SCAPER: variants seen among roughly 807,000 people sequenced by gnomAD.
SCAPER encodes S-phase cyclin A associated protein in the ER.
Under a neutral mutation model 182.2 loss-of-function variants are expected in SCAPER, and 98 were observed. The ratio of observed to expected loss-of-function variants is 0.54; its 90% CI spans 0.46 to 0.64. The LOEUF (loss-of-function observed/expected upper bound fraction) is 0.64, where lower values mean the gene tolerates loss of function less well. Among genes scored for constraint, SCAPER ranks in the 30% least tolerant of loss-of-function variants. The pLI, the probability that SCAPER is intolerant of heterozygous loss-of-function variation, is 0.00. For missense variants in SCAPER, 1,432 were observed against 1,690.0 expected (o/e 0.85, Z 2.68); for synonymous variants, 605 against 564.6 (o/e 1.07, Z -1.01).
intron 22 of SCAPER, among the ~76,000 whole-genome samples, chr15:76,592,142 A>G (rs2049166827): frequency 6.6e-6 from 1 of 151,910 alleles, no homozygotes; most frequent in South Asian, 2.1e-4. Context: ...AGAGAGATAT[A>G]TAGGTAATAT....
intron 22 of SCAPER, among the ~76,000 whole-genome samples, chr15:76,607,984 A>C (rs1226666730): frequency 9.9e-5 from 15 of 151,992 alleles, no homozygotes; most frequent in African/African-American, 3.4e-4. Context: ...AGCTCAGAGT[A>C]GTTTGATCGT....
chr15:76,614,255 G>A (rs1362867598), intron 22 of SCAPER, among the ~76,000 whole-genome samples: 1 of 152,174 alleles, frequency 6.6e-6, no homozygotes, highest in Non-Finnish European at 1.5e-5. Flanking sequence ...GGAGGATGGA[G>A]GGTGGGAGGA....
intron 15 of SCAPER, among the ~76,000 whole-genome samples, chr15:76,747,894 A>G (rs1292328944): frequency 1.3e-5 from 2 of 152,086 alleles, no homozygotes; most frequent in Admixed American, 6.5e-5. Flanking sequence ...AGCCTCAAGT[A>G]TTCCTTTATA....
At chr15:76,796,743 A>G (rs567707375) in intron 7 of SCAPER, among the ~76,000 whole-genome samples, 5 of 152,228 alleles carry the variant, frequency 3.3e-5, no homozygotes, top group African/African-American at 1.2e-4. Flanking sequence ...AATGAAGTGC[A>G]TTACAGGGCA....
intron 27 of SCAPER, among the ~76,000 whole-genome samples, chr15:76,400,909 A>G (rs2044410807): frequency 1.3e-5 from 2 of 151,776 alleles, no homozygotes; most frequent in Non-Finnish European, 2.9e-5. Context: ...AAAATAAATT[A>G]TATAGTAATT....
chr15:76,463,330 T>C (rs1004293129), intron 25 of SCAPER, among the ~76,000 whole-genome samples: 1 of 152,120 alleles, frequency 6.6e-6, no homozygotes, highest in Admixed American at 6.6e-5. Flanking sequence ...CAGGCCTTGC[T>C]GCTGTAATGA....
chr15:76,579,722 T>C (rs1394029648), intron 22 of SCAPER, among the ~76,000 whole-genome samples: 1 of 152,136 alleles, frequency 6.6e-6, no homozygotes, highest in East Asian at 1.9e-4. Context: ...TCAAAAGGCA[T>C]GTAATGGCCG....
At chr15:76,451,477 T>C (rs971626744) in intron 25 of SCAPER, among the ~76,000 whole-genome samples, 1 of 152,238 alleles carries the variant, frequency 6.6e-6, no homozygotes, top group Non-Finnish European at 1.5e-5. Flanking sequence ...TTAAACTATA[T>C]TGTCAAGGCT....
intron 26 of SCAPER, among the ~76,000 whole-genome samples, chr15:76,419,892 G>T (rs917708214): frequency 2.6e-5 from 4 of 152,044 alleles, no homozygotes; most frequent in African/African-American, 9.7e-5. Flanking sequence ...TTCTCAACAA[G>T]ATACTAACAA....
At chr15:76,643,022 T>C (rs548566108) in intron 21 of SCAPER, among the ~76,000 whole-genome samples, 31 of 152,288 alleles carry the variant, frequency 2.0e-4, no homozygotes, top group African/African-American at 7.5e-4. Flanking sequence ...TATCTACCAG[T>C]TGCTCTGGGA....
chr15:76,583,099 T>A lies in SCAPER; in HGVS notation c.2712-8815A>T, dbSNP rs2048375861. Among the ~76,000 whole-genome samples, 5 of 152,180 alleles carry A rather than the reference T, an allele frequency of 3.3e-5. No individual in the cohort carries two copies. The South Asian group carries it at 1.0e-3, about 32-fold the overall frequency. On this transcript the variant is annotated intron_variant, in intron 22 of 31. Coordinates refer to ENST00000563290, the MANE Select transcript of SCAPER (RefSeq NM_020843.4). ...CAGGTGCAGTGACTCATAACTGTAATCCCAGCACTTTGGGAGGCTAAGGTG... is the reference window on the plus strand; with the variant it reads ...CAGGTGCAGTGACTCATAACTGTAAACCCAGCACTTTGGGAGGCTAAGGTG...
At chr15:76,392,038 G>C (rs1287365299) in intron 27 of SCAPER, among the ~76,000 whole-genome samples, 1 of 152,148 alleles carries the variant, frequency 6.6e-6, no homozygotes, top group Non-Finnish European at 1.5e-5. Context: ...AGTCAGGAGG[G>C]ACAGCCAACT....
chr15:76,568,594 T>C (rs1433719441), intron 23 of SCAPER, among the ~76,000 whole-genome samples: 1 of 152,198 alleles, frequency 6.6e-6, no homozygotes, highest in Non-Finnish European at 1.5e-5. Flanking sequence ...TGTCATCAAG[T>C]GATCCACCCA....
chr15:76,575,760 T>G (rs912399985), intron 22 of SCAPER, among the ~76,000 whole-genome samples: 1 of 152,230 alleles, frequency 6.6e-6, no homozygotes, highest in African/African-American at 2.4e-5. Flanking sequence ...TTCAAAGCAC[T>G]CATCATAAGA....
intron 27 of SCAPER, among the ~76,000 whole-genome samples, chr15:76,382,952 G>A (rs1195806913): frequency 1.6e-5 from 2 of 125,786 alleles, no homozygotes; most frequent in Admixed American, 1.5e-4. Context: ...TCTACTCAAT[G>A]TTTTCCTTTA....
At chr15:76,633,158 T>G (rs1041887365) in intron 21 of SCAPER, among the ~76,000 whole-genome samples, 5 of 152,178 alleles carry the variant, frequency 3.3e-5, no homozygotes, top group African/African-American at 1.2e-4. Context: ...ATTTGTCTTT[T>G]CACAGTCAGG....
chr15:76,788,430 A>G (rs770838465), intron 8 of SCAPER, among the ~76,000 whole-genome samples: 17 of 152,196 alleles, frequency 1.1e-4, no homozygotes, highest in Admixed American at 5.9e-4. Context: ...CTGAAAATCT[A>G]TATTATTATG....
At chr15:76,625,387 G>A (rs2052474814) in intron 21 of SCAPER, among the ~76,000 whole-genome samples, 1 of 152,174 alleles carries the variant, frequency 6.6e-6, no homozygotes, top group African/African-American at 2.4e-5. Flanking sequence ...GCGGCCCACA[G>A]GGGTGGCTGC....
At chr15:76,569,854 T>C (rs1490965233) in intron 23 of SCAPER, among the ~76,000 whole-genome samples, 1 of 152,106 alleles carries the variant, frequency 6.6e-6, no homozygotes, top group Non-Finnish European at 1.5e-5. Flanking sequence ...AGTTTTCAAA[T>C]TCTGTTTTCT....
Sources: allele counts gnomAD v4.1 joint callset (sites outside exome capture counted in the v4.1 genomes callset), GRCh38; gene constraint gnomAD v4.1.1; transcripts MANE v1.5; gene names NCBI Gene and HGNC (gene_info 2026-07-23, HGNC 2026-07-21).